Variants in ABCA13 observed in about 807,000 individuals in gnomAD.
ABCA13 encodes ATP-binding cassette sub-family A member 13.
In ABCA13, 476 loss-of-function variants were observed where a neutral mutation model predicts 478.7. That is an observed-to-expected ratio of 0.99 (90% CI 0.92 to 1.07). The LOEUF (loss-of-function observed/expected upper bound fraction) is 1.07. ABCA13 is among the 50% of genes least tolerant of loss of function. The pLI is 0.00. For synonymous variants in ABCA13, 2,252 were observed against 2,158.9 expected (o/e 1.04, Z -1.20); for missense variants, 6,060 against 5,910.6 (o/e 1.03, Z -0.83).
intron 7 of ABCA13, among the ~76,000 whole-genome samples, chr7:48,231,887 C>T (rs1047208649): frequency 6.6e-6 from 1 of 152,098 alleles, no homozygotes; most frequent in Non-Finnish European, 1.5e-5. Context: ...GTCTCAAACT[C>T]CTGACCTCAG....
chr7:48,414,765 G>T (rs1364401890), intron 41 of ABCA13, among the ~76,000 whole-genome samples: 1 of 151,958 alleles, frequency 6.6e-6, no homozygotes, highest in African/African-American at 2.4e-5. Context: ...ACTGCATCTG[G>T]CACCAAGATT....
At chr7:48,284,456 G>A (rs903785321) in intron 19 of ABCA13, among the ~76,000 whole-genome samples, 1 of 152,168 alleles carries the variant, frequency 6.6e-6, no homozygotes, top group Non-Finnish European at 1.5e-5. Flanking sequence ...AGGATGGTTG[G>A]TACATGATTT....
Position 48,645,714 on chromosome 7 carries a change from T to TG in ABCA13, c.*206dup. On this transcript the variant is annotated 3_prime_UTR_variant, in exon 62 of 62. Transcript: ENST00000435803. Reference sequence around the variant, plus strand: ...AAAGGTCATTCTTTCTGCAGACTTTTGGGGAGCTCCTCCAAAACATTTGTT... The same window carrying TG: ...AAAGGTCATTCTTTCTGCAGACTTTTGGGGGAGCTCCTCCAAAACATTTGTT... The TG allele has an allele frequency of 1.9e-6, 1 of 527,496 alleles. No individual in the cohort carries two copies. The highest frequency in any genetic ancestry group is 3.6e-5 in the East Asian group (1 of 28,060). The allele number at this position is 527,496 out of a possible 1,614,324, so 32.7% of individuals were successfully genotyped here.
Position 48,241,034 on chromosome 7 carries a change from T to A in ABCA13, c.1230T>A (p.Asp410Glu). Reference sequence around the variant, plus strand: ...TGCTGAATGACAGCTTGTCAGCAGATGGCCCAAAAGATAATCATACATTTC... The same window carrying A: ...TGCTGAATGACAGCTTGTCAGCAGAAGGCCCAAAAGATAATCATACATTTC... ...LLLLNDSLSA[D>E]GPKDNHTFPK... The change falls in exon 10 of 62, where the codon GAT (aspartate) becomes GAA (glutamate). Residue 410 changes from aspartate (D) to glutamate (E), a missense_variant. Transcript: ENST00000435803. 6.2e-7 allele frequency: 1 copy of A among 1,614,058 alleles called. No homozygotes were observed. The highest frequency in any genetic ancestry group is 1.3e-5 in the African/African-American group (1 of 75,072).
chr7:48,312,304 G>A (rs984199402), intron 24 of ABCA13, among the ~76,000 whole-genome samples: 9 of 152,306 alleles, frequency 5.9e-5, no homozygotes, highest in Non-Finnish European at 1.3e-4. Flanking sequence ...TGTGCGAAGA[G>A]CTGGCATTTC....
chr7:48,391,760 C>T (rs1249230526), intron 37 of ABCA13, among the ~76,000 whole-genome samples, 161 bp from the exon 38 acceptor site: 2 of 151,442 alleles, frequency 1.3e-5, no homozygotes, highest in Non-Finnish European at 2.9e-5. Flanking sequence ...CCAATGTACC[C>T]TCAAACTACT....
intron 4 of ABCA13, among the ~76,000 whole-genome samples, chr7:48,220,402 G>A (rs1013154339): frequency 5.3e-5 from 8 of 152,178 alleles, no homozygotes; most frequent in South Asian, 2.1e-4. Flanking sequence ...TTAACTGGAT[G>A]TGTTCTATTT....
intron 41 of ABCA13, among the ~76,000 whole-genome samples, chr7:48,425,836 G>A (rs1460354381): frequency 6.6e-6 from 1 of 151,980 alleles, no homozygotes; most frequent in Non-Finnish European, 1.5e-5. Context: ...CGCCCCCTGG[G>A]GTTCACGCCA....
At chr7:48,428,467 T>A (rs1157955800) in intron 42 of ABCA13, among the ~76,000 whole-genome samples, 1 of 152,204 alleles carries the variant, frequency 6.6e-6, no homozygotes, top group East Asian at 1.9e-4. Flanking sequence ...CAAGGATCCC[T>A]GAGCTGAGCT....
At chr7:48,345,083 A>T (rs904984530) in intron 29 of ABCA13, among the ~76,000 whole-genome samples, 8 of 152,138 alleles carry the variant, frequency 5.3e-5, no homozygotes, top group African/African-American at 1.9e-4. Flanking sequence ...GAAAATTCCT[A>T]CTGCCTAGTG....
rs201478989 is a variant in ABCA13, at chr7:48,249,369, A to T, written c.2005+18A>T. The T allele has an allele frequency of 4.6e-5, 74 of 1,610,910 alleles. No homozygotes were observed. Among genetic ancestry groups the T allele is most frequent in the Middle Eastern group, 3.3e-4 (2 of 6,064 alleles). On this transcript the variant is annotated intron_variant, in intron 15 of 61. Transcript: ENST00000435803. ...ACTATTGGGTAAGTCAGTAGCCTAA[A>T]CTACAGGAATGGGGGATGCTTTCCC...
intron 2 of ABCA13, among the ~76,000 whole-genome samples, chr7:48,195,126 G>A (rs2128904432): frequency 6.6e-6 from 1 of 152,296 alleles, no homozygotes; most frequent in African/African-American, 2.4e-5. Flanking sequence ...GCCTAGGCAG[G>A]GCAGACAGCA....
chr7:48,199,915 A>AATT (rs751915873), intron 3 of ABCA13, among the ~76,000 whole-genome samples: 1 of 152,202 alleles, frequency 6.6e-6, no homozygotes. Flanking sequence ...TGTGCAAATT[A>AATT]ATTGACCTCT....
intron 58 of ABCA13, among the ~76,000 whole-genome samples, chr7:48,608,769 C>A (rs1791734147): frequency 6.6e-6 from 1 of 152,182 alleles, no homozygotes; most frequent in Non-Finnish European, 1.5e-5. Context: ...TCTTCTTATC[C>A]TAAGTTTAGC....
intron 20 of ABCA13, among the ~76,000 whole-genome samples, chr7:48,291,263 A>G (rs1175572457): frequency 6.6e-6 from 1 of 152,202 alleles, no homozygotes; most frequent in African/African-American, 2.4e-5. Flanking sequence ...AAAGGAAAGA[A>G]GTCTGTACCC....
At chr7:48,357,555 T>G (rs1810124507) in intron 31 of ABCA13, among the ~76,000 whole-genome samples, 1 of 152,012 alleles carries the variant, frequency 6.6e-6, no homozygotes, top group Non-Finnish European at 1.5e-5. Flanking sequence ...CATTAAAACC[T>G]CAGCAAATCG....
chr7:48,297,836 G>A (rs1212859093), intron 22 of ABCA13, among the ~76,000 whole-genome samples: 9 of 149,848 alleles, frequency 6.0e-5, no homozygotes, highest in African/African-American at 1.7e-4. Flanking sequence ...GTACAGTGGC[G>A]TGATCTCGGC....
At chr7:48,305,403 C>A (rs372502304) in intron 23 of ABCA13, among the ~76,000 whole-genome samples, 1 of 152,156 alleles carries the variant, frequency 6.6e-6, no homozygotes. Flanking sequence ...CAAATGGGTC[C>A]CCAATGGCAG....
At chr7:48,469,651 G>A (rs1448739000) in intron 44 of ABCA13, among the ~76,000 whole-genome samples, 5 of 152,058 alleles carry the variant, frequency 3.3e-5, no homozygotes, top group African/African-American at 4.8e-5. Flanking sequence ...CTCTGTCTTC[G>A]AGATTTAAAA....
Sources: gnomAD v4.1 joint callset for allele counts (sites outside exome capture counted in the v4.1 genomes callset) on GRCh38, gnomAD v4.1.1 for gene constraint, MANE v1.5 for transcripts, NCBI Gene and HGNC (gene_info 2026-07-23, HGNC 2026-07-21) for gene names.